RBFOX1: variants seen among roughly 807,000 people sequenced by gnomAD.
The protein encoded by RBFOX1 is RNA binding protein fox-1 homolog 1.
A neutral mutation model predicts 57.7 loss-of-function variants in RBFOX1; 8 were observed. That is an observed-to-expected ratio of 0.14 (90% CI 0.08 to 0.25). The LOEUF is 0.25. RBFOX1 is among the 10% of genes least tolerant of loss of function. The probability of loss-of-function intolerance (pLI) is 1.00; values close to 1 mark genes in which losing one functional copy is unlikely to be tolerated. For synonymous variants in RBFOX1, 326 were observed against 222.4 expected, an observed-to-expected ratio of 1.47 and a Z score of -4.15; for missense variants, 611 against 548.5, an observed-to-expected ratio of 1.11 and a Z score of -1.14.
At position 6,613,650 on chromosome 16, in the gene RBFOX1, G is replaced by A. The variant is rs1462409419; in HGVS notation, c.-63-40953G>A. On this transcript the variant is annotated intron_variant, in intron 2 of 15. Coordinates refer to ENST00000550418, the MANE Select transcript of RBFOX1 (RefSeq NM_018723.4). ...TATTCAGTAGAATAAGCAACTTGTA[G>A]AGTAACATAAGTAGTGTGTTATCTC... Among the ~76,000 whole-genome samples, 3 of 152,300 alleles carry A rather than the reference G, an allele frequency of 2.0e-5. No individual in the cohort carries two copies. The East Asian group carries it at 5.8e-4, about 29-fold the overall frequency.
intron 3 of RBFOX1, among the ~76,000 whole-genome samples, chr16:6,724,952 C>G (rs1029394395): frequency 1.3e-5 from 2 of 148,764 alleles, no homozygotes; most frequent in Non-Finnish European, 3.0e-5. Flanking sequence ...GTGGGAGTGT[C>G]TTTTGGCATG....
intron 2 of RBFOX1, chr16:6,484,030 G>A: frequency 1.3e-6 from 1 of 759,984 alleles, no homozygotes; most frequent in Non-Finnish European, 1.6e-6. Flanking sequence ...GGCGTTTAGA[G>A]GGATTGGGGA....
At chr16:7,158,751 G>A (rs1256988795) in intron 4 of RBFOX1, among the ~76,000 whole-genome samples, 2 of 151,904 alleles carry the variant, frequency 1.3e-5, no homozygotes, top group Admixed American at 1.3e-4. Context: ...TTTCTGGGTG[G>A]TGTGTGCATG....
rs959892229 is a variant in RBFOX1 at position 7,709,049 on chromosome 16, C to T, written c.996-7C>T. 1.2e-6 allele frequency: 2 copies of T among 1,610,952 alleles called. No homozygotes were observed. Among genetic ancestry groups the T allele is most frequent in the Non-Finnish European group, 1.7e-6 (2 of 1,177,292 alleles). On this transcript the variant is annotated splice_polypyrimidine_tract_variant and splice_region_variant and intron_variant, in intron 14 of 15. Coordinates refer to ENST00000550418, the MANE Select transcript of RBFOX1 (RefSeq NM_018723.4). ...TGGATCAATCTTCACCTCTATTTTC[C>T]TTTCAGTTACGGACGAGTTTATGCT...
At chr16:7,009,754 C>T (rs1471881237) in intron 3 of RBFOX1, among the ~76,000 whole-genome samples, 1 of 152,172 alleles carries the variant, frequency 6.6e-6, no homozygotes, top group Non-Finnish European at 1.5e-5. Context: ...CTTGATTAAA[C>T]ACTAAATTAA....
intron 3 of RBFOX1, among the ~76,000 whole-genome samples, chr16:5,689,996 C>G (rs965696989): frequency 6.6e-6 from 1 of 152,134 alleles, no homozygotes; most frequent in Non-Finnish European, 1.5e-5. Flanking sequence ...GCACATGGAA[C>G]AGCAATTGCG....
intron 4 of RBFOX1, among the ~76,000 whole-genome samples, chr16:7,367,893 C>CACAG (rs1279225194): frequency 1.4e-5 from 2 of 146,654 alleles, no homozygotes; most frequent in Non-Finnish European, 3.1e-5. Flanking sequence ...CATACACACA[C>CACAG]ACACACACAC....
chr16:6,769,800 T>C (rs1053214366), intron 3 of RBFOX1, among the ~76,000 whole-genome samples: 2 of 152,234 alleles, frequency 1.3e-5, no homozygotes, highest in Non-Finnish European at 2.9e-5. Flanking sequence ...AGTCAGGGTT[T>C]TTTTTGCAGC....
At chr16:7,003,213 C>T (rs976969174) in intron 3 of RBFOX1, among the ~76,000 whole-genome samples, 1 of 152,088 alleles carries the variant, frequency 6.6e-6, no homozygotes, top group Non-Finnish European at 1.5e-5. Flanking sequence ...GTAATCCCAG[C>T]ACTTTGGGAG....
intron 4 of RBFOX1, among the ~76,000 whole-genome samples, chr16:6,012,341 A>G (rs1348140564): frequency 2.0e-5 from 3 of 152,180 alleles, no homozygotes; most frequent in Non-Finnish European, 2.9e-5. Context: ...ATATGTTACT[A>G]TTAGTAGTTC....
intron 3 of RBFOX1, among the ~76,000 whole-genome samples, chr16:5,820,072 A>C (rs2055789422): frequency 6.6e-6 from 1 of 152,200 alleles, no homozygotes; most frequent in African/African-American, 2.4e-5. Context: ...TGTCTGAGAC[A>C]TTGCGCTTCT....
chr16:7,045,786 G>T (rs1024481188), intron 3 of RBFOX1, among the ~76,000 whole-genome samples: 1 of 151,998 alleles, frequency 6.6e-6, no homozygotes, highest in East Asian at 1.9e-4. Context: ...CTCCTGAGTA[G>T]CTGGGACTAC....
intron 2 of RBFOX1, among the ~76,000 whole-genome samples, chr16:6,368,303 C>G (rs966983046): frequency 6.6e-6 from 1 of 152,196 alleles, no homozygotes; most frequent in Non-Finnish European, 1.5e-5. Flanking sequence ...GAAGCTCAGC[C>G]TGCCCCAAAC....
chr16:7,216,722 A>G (rs1189875612), intron 4 of RBFOX1, among the ~76,000 whole-genome samples: 1 of 152,138 alleles, frequency 6.6e-6, no homozygotes, highest in Non-Finnish European at 1.5e-5. Context: ...AGCACATAGA[A>G]TGTAATTAGC....
chr16:6,689,029 G>C (rs1187841812), intron 3 of RBFOX1, among the ~76,000 whole-genome samples: 1 of 152,136 alleles, frequency 6.6e-6, no homozygotes, highest in African/African-American at 2.4e-5. Flanking sequence ...TCTTTATCCA[G>C]TCTATTATTG....
At chr16:7,424,289 T>A (rs1276738222) in intron 4 of RBFOX1, among the ~76,000 whole-genome samples, 1 of 152,000 alleles carries the variant, frequency 6.6e-6, no homozygotes, top group South Asian at 2.1e-4. Context: ...GGTGGGGGTC[T>A]AGCTCTGTCA....
intron 2 of RBFOX1, among the ~76,000 whole-genome samples, chr16:5,471,049 G>A (rs1046214236): frequency 6.6e-6 from 1 of 151,970 alleles, no homozygotes; most frequent in South Asian, 2.1e-4. Flanking sequence ...GACGGGGCTG[G>A]TCTCAAACTC....
intron 2 of RBFOX1, among the ~76,000 whole-genome samples, chr16:5,470,113 C>A (rs1053718605): frequency 1.3e-4 from 20 of 152,214 alleles, no homozygotes; most frequent in Middle Eastern, 3.2e-3. Flanking sequence ...ACAGACTCAG[C>A]AGGGTTTCTC....
At chr16:6,267,899 A>G (rs1051014213) in intron 1 of RBFOX1, among the ~76,000 whole-genome samples, 2 of 152,148 alleles carry the variant, frequency 1.3e-5, no homozygotes, top group Non-Finnish European at 2.9e-5. Flanking sequence ...ACCTTTTTAT[A>G]TTTATCCCAA....
Sources: gnomAD v4.1 joint callset for allele counts (sites outside exome capture counted in the v4.1 genomes callset) on GRCh38, gnomAD v4.1.1 for gene constraint, MANE v1.5 for transcripts, NCBI Gene and HGNC (gene_info 2026-07-23, HGNC 2026-07-21) for gene names.